The following XRN1 variants were observed in gnomAD, a reference collection of about 807,000 sequenced individuals.
XRN1 encodes the protein strand-exchange protein 1 homolog.
Under a neutral mutation model 222.3 loss-of-function variants are expected in XRN1, and 67 were observed. The ratio of observed to expected loss-of-function variants is 0.30; its 90% CI spans 0.25 to 0.37. The LOEUF is 0.37. Among genes scored for constraint, XRN1 ranks in the 10% least tolerant of loss-of-function variants. The probability of loss-of-function intolerance (pLI) is 1.00; values close to 1 mark genes in which losing one functional copy is unlikely to be tolerated. For missense variants in XRN1, 1,707 were observed against 2,000.2 expected (o/e 0.85, Z 2.80); for synonymous variants, 643 against 652.4 (o/e 0.99, Z 0.22).
intron 25 of XRN1, among the ~76,000 whole-genome samples, chr3:142,371,910 A>G (rs2107892771): frequency 6.6e-6 from 1 of 152,328 alleles, no homozygotes; most frequent in South Asian, 2.1e-4. Context: ...AAATTTTAGA[A>G]ACTGGAAACT....
chr3:142,331,678 G>A (rs148726571), intron 36 of XRN1, among the ~76,000 whole-genome samples: 171 of 152,290 alleles, frequency 1.1e-3, no homozygotes, highest in African/African-American at 3.9e-3. Flanking sequence ...TAAAGGTTTG[G>A]ATGTCTACAG....
intron 1 of XRN1, among the ~76,000 whole-genome samples, chr3:142,434,171 G>A (rs544128475): frequency 2.0e-4 from 30 of 152,024 alleles, no homozygotes; most frequent in Non-Finnish European, 4.1e-4. Flanking sequence ...TTTTGAGACA[G>A]GGTCTCGATC....
intron 15 of XRN1, among the ~76,000 whole-genome samples, chr3:142,411,908 G>A (rs1271686687): frequency 4.7e-5 from 7 of 149,616 alleles, no homozygotes; most frequent in African/African-American, 1.5e-4. Context: ...TGTAGGCTCC[G>A]CCCCCGGGGG....
intron 29 of XRN1, among the ~76,000 whole-genome samples, chr3:142,361,944 G>T (rs374968590): frequency 1.2e-3 from 98 of 84,146 alleles, no homozygotes; most frequent in South Asian, 2.8e-3. Flanking sequence ...TTTTCTCTTT[G>T]TTTCTTTTCT....
At chr3:142,422,556 T>C (rs757214758) in intron 8 of XRN1, 26 bp downstream of exon 8, 5 of 1,606,388 alleles carry the variant, frequency 3.1e-6, no homozygotes, top group Non-Finnish European at 2.6e-6. Context: ...TAAAGTATCC[T>C]CGAGAGATTA....
At chr3:142,443,423 C>A (rs1479667445) in intron 1 of XRN1, among the ~76,000 whole-genome samples, 4 of 149,798 alleles carry the variant, frequency 2.7e-5, no homozygotes, top group Admixed American at 1.3e-4. Context: ...ACGGGGCTTG[C>A]AACTTAGCTC....
intron 2 of XRN1, among the ~76,000 whole-genome samples, chr3:142,431,858 ATATATAATATATTATATTATATATAT>A (rs2069551613): frequency 2.9e-5 from 1 of 34,894 alleles, no homozygotes; most frequent in Non-Finnish European, 4.7e-5. Flanking sequence ...TATATATATT[ATATATAATATATTATATTATATATAT>A]TATATATAAT....
chr3:142,321,838 C>T (rs571376984), intron 37 of XRN1, among the ~76,000 whole-genome samples: 1 of 152,226 alleles, frequency 6.6e-6, no homozygotes, highest in South Asian at 2.1e-4. Flanking sequence ...TGCAACTTTG[C>T]TGCATTTATT....
At chr3:142,411,909 C>A (rs1339874111) in intron 15 of XRN1, among the ~76,000 whole-genome samples, 2 of 151,412 alleles carry the variant, frequency 1.3e-5, no homozygotes, top group South Asian at 2.1e-4. Context: ...GTAGGCTCCG[C>A]CCCCGGGGGT....
chr3:142,439,255 A>T (rs958522136), intron 1 of XRN1, among the ~76,000 whole-genome samples: 6 of 152,236 alleles, frequency 3.9e-5, no homozygotes, highest in African/African-American at 7.2e-5. Flanking sequence ...CCATAACTGC[A>T]GCCCGAGAGT....
intron 23 of XRN1, among the ~76,000 whole-genome samples, chr3:142,378,468 C>T (rs186856238): frequency 6.6e-6 from 1 of 152,104 alleles, no homozygotes; most frequent in African/African-American, 2.4e-5. Flanking sequence ...ACTGTAAGAA[C>T]AAGATGCTAT....
chr3:142,441,228 T>C (rs2070197414), intron 1 of XRN1, among the ~76,000 whole-genome samples: 1 of 152,200 alleles, frequency 6.6e-6, no homozygotes. Context: ...GAGGGTTCCT[T>C]GGCATAACAG....
At chr3:142,374,036 A>G (rs914669483) in intron 25 of XRN1, among the ~76,000 whole-genome samples, 2 of 152,152 alleles carry the variant, frequency 1.3e-5, no homozygotes, top group Non-Finnish European at 2.9e-5. Flanking sequence ...TCTCCAATCT[A>G]GGATTCTACA....
chr3:142,315,217 G>A (rs889964761), intron 39 of XRN1, among the ~76,000 whole-genome samples: 5 of 151,954 alleles, frequency 3.3e-5, no homozygotes, highest in African/African-American at 1.2e-4. Flanking sequence ...TTACAGGTAT[G>A]AGCCACCACA....
Position 142,422,768 on chromosome 3 carries a change from A to C in XRN1, c.799-18T>G, listed in dbSNP as rs1559871440. 6.2e-7 allele frequency: 1 copy of C among 1,608,012 alleles called. No homozygotes were observed. The highest frequency in any genetic ancestry group is 2.2e-5 in the East Asian group (1 of 44,744). ...ATCTTTTCCTACAGTAAAATAGAGA[A>C]CAAAGTCAAATCCAGTGAAAATTTC... On this transcript the variant is annotated intron_variant, in intron 7 of 40. Transcript: ENST00000392981.
At chr3:142,403,009 C>T (rs1378753897) in intron 18 of XRN1, among the ~76,000 whole-genome samples, 2 of 152,110 alleles carry the variant, frequency 1.3e-5, no homozygotes, top group Non-Finnish European at 2.9e-5. Context: ...CTCTTTTGTG[C>T]AATTTAGTTT....
intron 19 of XRN1, among the ~76,000 whole-genome samples, chr3:142,399,111 C>CT (rs983251154): frequency 6.6e-6 from 1 of 151,644 alleles, no homozygotes; most frequent in Admixed American, 6.6e-5. Flanking sequence ...ATAGTTAAAT[C>CT]TCCCCAAATT....
At chr3:142,339,273 A>T (rs1156312099) in intron 33 of XRN1, among the ~76,000 whole-genome samples, 1 of 152,164 alleles carries the variant, frequency 6.6e-6, no homozygotes, top group Admixed American at 6.5e-5. Context: ...AAAGGAAGAG[A>T]ACAAGAGTCT....
intron 10 of XRN1, chr3:142,420,085 T>C (rs2068948670): frequency 6.6e-6 from 1 of 152,216 alleles, no homozygotes; most frequent in Non-Finnish European, 1.5e-5. Context: ...AAATCATTTC[T>C]AGAGAAAAAT....
Sources: gnomAD v4.1 joint callset for allele counts (sites outside exome capture counted in the v4.1 genomes callset) on GRCh38, gnomAD v4.1.1 for gene constraint, MANE v1.5 for transcripts, NCBI Gene and HGNC (gene_info 2026-07-23, HGNC 2026-07-21) for gene names.